The following RAD51B variants were observed in gnomAD, a reference collection of about 807,000 sequenced individuals.
RAD51B encodes the protein RAD51 paralog B, also known as DNA repair protein RAD51 homolog 2.
RAD51B carries 38 observed loss-of-function variants against 42.2 expected under a neutral mutation model. That is an observed-to-expected ratio of 0.90 (90% CI 0.70 to 1.18). RAD51B has a LOEUF of 1.18. RAD51B is among the 50% of genes most tolerant of loss of function. RAD51B has a pLI of 0.00. For missense variants in RAD51B, 373 were observed against 400.7 expected (o/e 0.93, Z 0.59); for synonymous variants, 154 against 145.2 (o/e 1.06, Z -0.43).
chr14:68,209,961 C>CTTTTT (rs111751838), intron 7 of RAD51B, among the ~76,000 whole-genome samples: 1 of 142,082 alleles, frequency 7.0e-6, no homozygotes, highest in East Asian at 2.0e-4. Flanking sequence ...CTAGGAATAC[C>CTTTTT]TTTTTTTTTT....
intron 11 of RAD51B, among the ~76,000 whole-genome samples, chr14:68,663,308 C>T (rs1892970161): frequency 1.8e-5 from 1 of 55,734 alleles, no homozygotes; most frequent in East Asian, 8.0e-4. Flanking sequence ...ATCTCAAAAA[C>T]AAAGAGAGAG....
intron 7 of RAD51B, among the ~76,000 whole-genome samples, chr14:68,104,689 A>G (rs141757394): frequency 6.6e-6 from 1 of 152,124 alleles, no homozygotes; most frequent in African/African-American, 2.4e-5. Context: ...TCACATACCA[A>G]TTGAGTGAAT....
intron 7 of RAD51B, among the ~76,000 whole-genome samples, chr14:68,193,992 T>G (rs1402146166): frequency 6.6e-6 from 1 of 152,148 alleles, no homozygotes; most frequent in African/African-American, 2.4e-5. Flanking sequence ...CCTGGGACAT[T>G]AAAAGAAACA....
intron 7 of RAD51B, among the ~76,000 whole-genome samples, chr14:68,137,459 C>T (rs1198579546): frequency 6.6e-6 from 1 of 152,162 alleles, no homozygotes; most frequent in Non-Finnish European, 1.5e-5. Flanking sequence ...ACTACAAAAG[C>T]TAATACACTG....
At chr14:68,213,949 T>C (rs2079762090) in intron 7 of RAD51B, among the ~76,000 whole-genome samples, 1 of 152,192 alleles carries the variant, frequency 6.6e-6, no homozygotes, top group African/African-American at 2.4e-5. Context: ...CATTCCCTGT[T>C]GAGAAATGGA....
chr14:68,101,524 A>G (rs992814573), intron 7 of RAD51B, among the ~76,000 whole-genome samples: 5 of 152,242 alleles, frequency 3.3e-5, no homozygotes, highest in Non-Finnish European at 5.9e-5. Context: ...GGCCCCATGC[A>G]AGTCCAAAAT....
intron 7 of RAD51B, among the ~76,000 whole-genome samples, chr14:67,916,976 T>C (rs537546598): frequency 2.0e-5 from 3 of 152,246 alleles, no homozygotes; most frequent in East Asian, 1.9e-4. Flanking sequence ...GTAAGGGAGA[T>C]ACTGAATACA....
intron 10 of RAD51B, among the ~76,000 whole-genome samples, chr14:68,576,590 G>A (rs1239215941): frequency 6.6e-6 from 1 of 152,202 alleles, no homozygotes; most frequent in Admixed American, 6.5e-5. Context: ...GCCAGCCCTG[G>A]GGAATGCAGG....
Position 67,823,594 on chromosome 14 carries a change from C to T in RAD51B, c.51C>T (p.Asp17=). 6.2e-7 allele frequency: 1 copy of T among 1,613,706 alleles called. No homozygotes were observed. The highest frequency in any genetic ancestry group is 8.5e-7 in the Non-Finnish European group (1 of 1,179,854). The change falls in exon 2 of 11, where the codon GAC becomes GAT. Residue 17 remains aspartate (D), a synonymous_variant. Coordinates refer to ENST00000471583, the MANE Select transcript of RAD51B (RefSeq NM_133510.4). ...TGGGTTTATCACAAGAGCTGTGTGACCGTCTGAGTAGACATCAGATCCTTA... is the reference window on the plus strand; with the variant it reads ...TGGGTTTATCACAAGAGCTGTGTGATCGTCTGAGTAGACATCAGATCCTTA... ...KRVGLSQELC[D]RLSRHQILTC... is the part of the protein sequence containing the mutation.
intron 8 of RAD51B, among the ~76,000 whole-genome samples, chr14:68,373,411 C>T (rs181783860): frequency 1.2e-4 from 18 of 152,254 alleles, no homozygotes; most frequent in African/African-American, 4.3e-4. Flanking sequence ...GAAAATGTGG[C>T]ACATATACAC....
At chr14:68,102,816 C>G (rs1367306194) in intron 7 of RAD51B, among the ~76,000 whole-genome samples, 1 of 152,130 alleles carries the variant, frequency 6.6e-6, no homozygotes, top group East Asian at 1.9e-4. Context: ...CTATATTAGT[C>G]TGTTCTTATG....
chr14:68,339,745 CT>C (rs2082533967), intron 8 of RAD51B, among the ~76,000 whole-genome samples: 1 of 152,126 alleles, frequency 6.6e-6, no homozygotes, highest in African/African-American at 2.4e-5. Context: ...AGTTCTTCCT[CT>C]TATAAATAGG....
At chr14:67,901,753 G>A (rs1049229986) in intron 7 of RAD51B, among the ~76,000 whole-genome samples, 2 of 152,178 alleles carry the variant, frequency 1.3e-5, no homozygotes, top group Non-Finnish European at 2.9e-5. Flanking sequence ...ATGAAATAAT[G>A]TCTTTTGCAG....
intron 7 of RAD51B, among the ~76,000 whole-genome samples, chr14:68,036,644 T>A (rs544528280): frequency 4.6e-5 from 7 of 152,310 alleles, no homozygotes; most frequent in African/African-American, 1.7e-4. Context: ...TTATTATTTT[T>A]TTCATTCAAG....
chr14:68,542,618 CA>C (rs773483977), intron 10 of RAD51B, among the ~76,000 whole-genome samples: 7 of 152,186 alleles, frequency 4.6e-5, no homozygotes, highest in Non-Finnish European at 1.0e-4. Flanking sequence ...CAATTCATGA[CA>C]CATAACAATG....
At chr14:68,583,986 G>A (rs1371317410) in intron 10 of RAD51B, among the ~76,000 whole-genome samples, 1 of 152,178 alleles carries the variant, frequency 6.6e-6, no homozygotes, top group Non-Finnish European at 1.5e-5. Flanking sequence ...ATGAGGACCT[G>A]GCGGGGGTGA....
At chr14:68,113,326 T>C (rs1417217736) in intron 7 of RAD51B, among the ~76,000 whole-genome samples, 1 of 152,194 alleles carries the variant, frequency 6.6e-6, no homozygotes, top group Non-Finnish European at 1.5e-5. Flanking sequence ...CTAAGAGTTT[T>C]GAACAAGTAG....
intron 7 of RAD51B, among the ~76,000 whole-genome samples, chr14:68,279,264 C>G (rs1276386583): frequency 6.6e-6 from 1 of 152,208 alleles, no homozygotes; most frequent in Non-Finnish European, 1.5e-5. Context: ...CTTGCTTGTC[C>G]TCTCATTCCA....
At chr14:68,089,152 C>A (rs1029095556) in intron 7 of RAD51B, among the ~76,000 whole-genome samples, 2 of 152,076 alleles carry the variant, frequency 1.3e-5, no homozygotes, top group Admixed American at 6.6e-5. Flanking sequence ...GCACCCAATT[C>A]TCTGGAGTAT....
Sources: allele counts gnomAD v4.1 joint callset (sites outside exome capture counted in the v4.1 genomes callset), GRCh38; gene constraint gnomAD v4.1.1; transcripts MANE v1.5; gene names NCBI Gene and HGNC (gene_info 2026-07-23, HGNC 2026-07-21).